The following ALDH8A1 variants were observed in gnomAD, a reference collection of about 807,000 sequenced individuals.
ALDH8A1 encodes the protein 2-aminomuconic semialdehyde dehydrogenase.
ALDH8A1 carries 39 observed loss-of-function variants against 43.3 expected under a neutral mutation model. The ratio of observed to expected loss-of-function variants is 0.90; its 90% confidence interval spans 0.70 to 1.18. The LOEUF is 1.18. Among genes scored for constraint, ALDH8A1 ranks in the 50% most tolerant of loss-of-function variants. The pLI is 0.00. For synonymous variants in ALDH8A1, 233 were observed against 243.5 expected (o/e 0.96, Z 0.40); for missense variants, 605 against 622.6 (o/e 0.97, Z 0.30).
In ALDH8A1 at chr6:134,950,068, C is replaced by T; in HGVS notation, c.-15G>A. On this transcript the variant is annotated 5_prime_UTR_variant, in exon 1 of 7. Transcript: ENST00000265605. The stretch of plus-strand genomic sequence containing the variant: ...GTTCCAGCCATAGCAAGGAAAAATT[C>T]TGCCTTTCCTCTTTACGACTGAGCA... 6.2e-7 allele frequency: 1 copy of T among 1,604,886 alleles called. No homozygotes were observed. Among genetic ancestry groups the T allele is most frequent in the Non-Finnish European group, 8.5e-7 (1 of 1,175,556 alleles).
chr6:134,917,919 C>T lies in ALDH8A1; in HGVS notation c.*496G>A, dbSNP rs1180410466. The T allele has an allele frequency of 6.2e-6, 1 of 162,120 alleles. No individual in the cohort carries two copies. Among genetic ancestry groups the T allele is most frequent in the Non-Finnish European group, 1.3e-5 (1 of 74,432 alleles). The allele number at this position is 162,120 out of a possible 1,614,324, so 10.0% of individuals were successfully genotyped here. ...CTGGGGCTATAGGCAGAGGGCACCA[C>T]ACCAAGCTAATTTTTAAACTTTTGG... On this transcript the variant is annotated 3_prime_UTR_variant, in exon 7 of 7. Transcript: ENST00000265605.
intron 6 of ALDH8A1, among the ~76,000 whole-genome samples, chr6:134,927,761 G>A (rs974776401): frequency 2.0e-5 from 3 of 152,086 alleles, no homozygotes; most frequent in Non-Finnish European, 2.9e-5. Context: ...AGGTACTCTA[G>A]GAGGTTAACT....
rs1369281271 is a variant in ALDH8A1 at position 134,929,163 on chromosome 6, C to T, written c.902G>A (p.Ser301Asn). The change falls in exon 6 of 7, where the codon AGT becomes AAT. Residue 301 changes from serine to asparagine, a missense_variant. Coordinates refer to ENST00000265605, the MANE Select transcript of ALDH8A1 (RefSeq NM_022568.4). ...TTCTACAAATCTCTTTAAAAATTCA[C>T]TATAGATGCTCTTCTGGACAAAGAT... Reference protein sequence around the residue: ...SRIFVQKSIYSEFLKRFVEAT... With the variant: ...SRIFVQKSIYNEFLKRFVEAT... 8.7e-6 allele frequency: 14 copies of T among 1,614,008 alleles called. No individual in the cohort carries two copies. The highest frequency in any genetic ancestry group is 1.2e-5 in the Non-Finnish European group (14 of 1,180,038).
intron 1 of ALDH8A1, among the ~76,000 whole-genome samples, chr6:134,947,262 C>T (rs1773970068): frequency 6.6e-6 from 1 of 152,170 alleles, no homozygotes; most frequent in South Asian, 2.1e-4. Flanking sequence ...AGACCCAAAA[C>T]TATGAAACTA....
At chr6:134,940,655 T>C (rs1270665526) in intron 3 of ALDH8A1, among the ~76,000 whole-genome samples, 2 of 152,208 alleles carry the variant, frequency 1.3e-5, no homozygotes, top group African/African-American at 4.8e-5. Flanking sequence ...TGTGTCTCCA[T>C]GCAATATTCT....
chr6:134,929,014 A>G (rs1033708119), intron 6 of ALDH8A1, 40 bp downstream of exon 6: 5 of 1,603,846 alleles, frequency 3.1e-6, no homozygotes, highest in Admixed American at 3.4e-5. Flanking sequence ...TCTTCAAATA[A>G]GAACTTATTC....
chr6:134,943,682 C>T, intron 2 of ALDH8A1, 137 bp downstream of exon 2: 2 of 1,331,054 alleles, frequency 1.5e-6, no homozygotes, highest in South Asian at 1.5e-5. Flanking sequence ...AGGCCTGGAG[C>T]AGGGGAGGGT....
At chr6:134,922,284 G>A (rs1475083011) in intron 6 of ALDH8A1, among the ~76,000 whole-genome samples, 1 of 152,242 alleles carries the variant, frequency 6.6e-6, no homozygotes, top group Non-Finnish European at 1.5e-5. Flanking sequence ...CGTTTTAGAT[G>A]TGCTGTGGTT....
At chr6:134,937,320 T>G (rs1197039219) in intron 4 of ALDH8A1, among the ~76,000 whole-genome samples, 1 of 152,214 alleles carries the variant, frequency 6.6e-6, no homozygotes, top group Non-Finnish European at 1.5e-5. Flanking sequence ...TTCTCTTACG[T>G]TGCTCTAAAG....
Position 134,943,819 on chromosome 6 carries a change from C to A in ALDH8A1, c.286G>T (p.Gly96Trp). 6.2e-7 allele frequency: 1 copy of A among 1,613,920 alleles called. No individual in the cohort carries two copies. The highest frequency in any genetic ancestry group is 8.5e-7 in the Non-Finnish European group (1 of 1,179,924). ...EFAQAESKDQ[G>W]KTLALARTMD... ...GTTACAGTTAAGAGGCAACTCTCAC[C>A]TTGGTCTTTAGACTCGGCCTGGGCA... Residue 96 changes from glycine to tryptophan, a missense_variant and splice_region_variant, in exon 2 of 7, where the codon GGG becomes TGG. Gly to Trp is a radical substitution (Grantham distance 184, BLOSUM62 -2). Transcript: ENST00000265605.
intron 6 of ALDH8A1, among the ~76,000 whole-genome samples, chr6:134,927,965 C>T (rs1381187601): frequency 6.6e-6 from 1 of 152,186 alleles, no homozygotes; most frequent in African/African-American, 2.4e-5. Context: ...AACTGTTGGT[C>T]TCCCTGGACA....
chr6:134,946,787 C>CACAGGTGCGCATGTGTGCGCGCGT (rs1562261625), intron 1 of ALDH8A1, among the ~76,000 whole-genome samples: 14 of 72,204 alleles, frequency 1.9e-4, no homozygotes, highest in South Asian at 8.2e-4. Context: ...TGTGCGCGCG[C>CACAGGTGCGCATGTGTGCGCGCGT]GCACAGGTGC....
At chr6:134,944,922 T>C (rs950218640) in intron 1 of ALDH8A1, among the ~76,000 whole-genome samples, 8 of 147,734 alleles carry the variant, frequency 5.4e-5, no homozygotes, top group Non-Finnish European at 1.0e-4. Context: ...ATATACTATA[T>C]ATATATAGTA....
intron 5 of ALDH8A1, among the ~76,000 whole-genome samples, chr6:134,930,866 C>T (rs1157357404): frequency 1.3e-5 from 2 of 152,180 alleles, no homozygotes; most frequent in Non-Finnish European, 2.9e-5. Flanking sequence ...GAGTGCCTAT[C>T]GTCAAGCCAG....
intron 3 of ALDH8A1, chr6:134,940,086 G>GTTCC: frequency 4.2e-6 from 1 of 240,548 alleles, no homozygotes; most frequent in Non-Finnish European, 8.5e-6. Flanking sequence ...GAGAGTCGGG[G>GTTCC]GGAAGAGCAT....
At chr6:134,919,089 A>G (rs1227024194) in intron 6 of ALDH8A1, among the ~76,000 whole-genome samples, 4 of 152,220 alleles carry the variant, frequency 2.6e-5, no homozygotes, top group African/African-American at 9.6e-5. Context: ...GGAAGTAATT[A>G]TTTAATGTCT....
chr6:134,934,514 G>A (rs899915557), intron 4 of ALDH8A1, among the ~76,000 whole-genome samples: 4 of 152,126 alleles, frequency 2.6e-5, no homozygotes, highest in South Asian at 2.1e-4. Context: ...CCGAGGATAC[G>A]TAGTGAGGGT....
intron 3 of ALDH8A1, among the ~76,000 whole-genome samples, chr6:134,939,907 A>G (rs1266826337): frequency 6.6e-6 from 1 of 152,214 alleles, no homozygotes; most frequent in Non-Finnish European, 1.5e-5. Context: ...AAGGAACGAG[A>G]TCATGTCCTT....
intron 4 of ALDH8A1, among the ~76,000 whole-genome samples, chr6:134,934,367 AT>A (rs1773692463): frequency 6.6e-6 from 1 of 152,238 alleles, no homozygotes; most frequent in South Asian, 2.1e-4. Context: ...CTATTCCTTT[AT>A]CGCCTTTAGC....
Sources: gnomAD v4.1 joint callset for allele counts (sites outside exome capture counted in the v4.1 genomes callset) on GRCh38, gnomAD v4.1.1 for gene constraint, MANE v1.5 for transcripts, NCBI Gene and HGNC (gene_info 2026-07-23, HGNC 2026-07-21) for gene names.